The following FAM181A variants were observed in gnomAD, a reference collection of about 807,000 sequenced individuals.
FAM181A encodes the protein protein FAM181A.
FAM181A carries 7 observed loss-of-function variants against 16.3 expected under a neutral mutation model. The ratio of observed to expected loss-of-function variants is 0.43; its 90% CI spans 0.24 to 0.81. The LOEUF (loss-of-function observed/expected upper bound fraction) is 0.81, where lower values mean the gene tolerates loss of function less well. FAM181A is among the 30% of genes least tolerant of loss of function. The pLI is 0.24. For missense variants in FAM181A, 349 were observed against 377.5 expected (o/e 0.92, Z 0.63); for synonymous variants, 183 against 164.9 (o/e 1.11, Z -0.84).
At chr14:93,919,794 A>G (rs1036199685) in intron 1 of FAM181A, among the ~76,000 whole-genome samples, 1 of 152,206 alleles carries the variant, frequency 6.6e-6, no homozygotes, top group Non-Finnish European at 1.5e-5. Flanking sequence ...TGCAAACACA[A>G]CATATCAAAA....
chr14:93,921,753 A>G (rs1219434647), intron 1 of FAM181A, among the ~76,000 whole-genome samples: 1 of 150,766 alleles, frequency 6.6e-6, no homozygotes, highest in African/African-American at 2.4e-5. Context: ...CTGGGCTAGC[A>G]AGGCCCCTGG....
At chr14:93,920,849 C>T (rs1887699058) in intron 1 of FAM181A, among the ~76,000 whole-genome samples, 1 of 152,158 alleles carries the variant, frequency 6.6e-6, no homozygotes, top group South Asian at 2.1e-4. Flanking sequence ...CCTGAGACTC[C>T]ACATGGTGAA....
rs745685141 is a variant in FAM181A, at chr14:93,928,242, GC to G, written c.-42del. 6.2e-7 allele frequency: 1 copy of G among 1,613,718 alleles called. No individual in the cohort carries two copies. The highest frequency in any genetic ancestry group is 8.5e-7 in the Non-Finnish European group (1 of 1,180,022). Reference sequence around the variant, plus strand: ...CTTGGAGCTGCCGGCCACCAGCAGAGCCTACCCTCTTCATGGAAAGCCTCGT... The same window carrying G: ...CTTGGAGCTGCCGGCCACCAGCAGAGCTACCCTCTTCATGGAAAGCCTCGT... On this transcript the variant is annotated 5_prime_UTR_variant, in exon 2 of 2. Transcript: ENST00000556222.
chr14:93,928,658 C>G lies in FAM181A; in HGVS notation c.373C>G (p.Pro125Ala), dbSNP rs972841524. 6.2e-7 allele frequency: 1 copy of G among 1,614,024 alleles called. No homozygotes were observed. Among genetic ancestry groups the G allele is most frequent in the Non-Finnish European group, 8.5e-7 (1 of 1,180,004 alleles). The change falls in exon 2 of 2, where the codon CCT (proline) becomes GCT (alanine). Residue 125 changes from proline to alanine, a missense_variant. Physicochemically the swap from Pro to Ala is conservative, Grantham distance 27. Coordinates refer to ENST00000556222, the MANE Select transcript of FAM181A (RefSeq NM_001207073.2). ...PQRQHPEAAQ[P>A]GQVPMRKRQL... Reference sequence around the variant, plus strand: ...GAGGCAGCATCCAGAAGCTGCCCAGCCTGGCCAGGTGCCCATGAGGAAAAG... The same window carrying G: ...GAGGCAGCATCCAGAAGCTGCCCAGGCTGGCCAGGTGCCCATGAGGAAAAG...
intron 1 of FAM181A, chr14:93,922,023 C>G (rs942255292): frequency 2.0e-5 from 3 of 152,232 alleles, no homozygotes; most frequent in Admixed American, 2.0e-4. Context: ...CACAGGGTGG[C>G]TGGCAGAGCA....
intron 1 of FAM181A, chr14:93,927,690 G>T (rs1178717509): frequency 2.4e-6 from 3 of 1,243,130 alleles, no homozygotes; most frequent in Non-Finnish European, 3.1e-6. Context: ...TGGGGGTGGA[G>T]CGTGGGGACT....
Position 93,928,922 on chromosome 14 carries a change from T to C in FAM181A, c.637T>C (p.Cys213Arg). 6.2e-7 allele frequency: 1 copy of C among 1,614,160 alleles called. No homozygotes were observed. The highest frequency in any genetic ancestry group is 2.2e-5 in the East Asian group (1 of 44,880). ...SLVGRVNAWS[C>R]CPFQYHGQPI... ...GGTGGGCCGCGTCAATGCCTGGAGT[T>C]GCTGCCCCTTCCAGTACCATGGACA... The change falls in exon 2 of 2, where the codon TGC becomes CGC. Residue 213 changes from cysteine (C) to arginine (R), a missense_variant. Coordinates refer to ENST00000556222, the MANE Select transcript of FAM181A (RefSeq NM_001207073.2).
upstream of FAM181A, among the ~76,000 whole-genome samples, chr14:93,924,506 C>G (rs1887831671): frequency 6.6e-6 from 1 of 152,226 alleles, no homozygotes; most frequent in Non-Finnish European, 1.5e-5. Context: ...TATGGCCAAT[C>G]AGAAAACACA....
intron 1 of FAM181A, among the ~76,000 whole-genome samples, chr14:93,921,655 C>T (rs1887728723): frequency 1.3e-5 from 2 of 152,226 alleles, no homozygotes; most frequent in Admixed American, 6.5e-5. Flanking sequence ...CTCTGTCCTC[C>T]GCGTGGCCTT....
chr14:93,922,724 G>A (rs1399468815), upstream of FAM181A, among the ~76,000 whole-genome samples: 1 of 152,108 alleles, frequency 6.6e-6, no homozygotes, highest in Non-Finnish European at 1.5e-5. Context: ...AACTTTTTTA[G>A]AAAGTTGACA....
intron 1 of FAM181A, among the ~76,000 whole-genome samples, chr14:93,921,622 T>A (rs536658168): frequency 2.0e-5 from 3 of 152,218 alleles, no homozygotes; most frequent in Non-Finnish European, 4.4e-5. Context: ...GCGTCGCATG[T>A]CCACAGAGGC....
intron 1 of FAM181A, among the ~76,000 whole-genome samples, chr14:93,921,458 CA>C (rs1340616439): frequency 6.6e-6 from 1 of 152,246 alleles, no homozygotes; most frequent in Non-Finnish European, 1.5e-5. Context: ...CTCGGCCTGC[CA>C]GCCAGAGGGG....
Position 93,929,527 on chromosome 14 carries a change from AGTT to A in FAM181A, c.*370_*372del, listed in dbSNP as rs1179226712. On this transcript the variant is annotated 3_prime_UTR_variant, in exon 2 of 2. Transcript: ENST00000556222. ...GCCACCCACTCTGCGAGCCAATCTC[AGTT>A]GTTGTTCTTGTTCTTCTTGTTCTTT... is the stretch of plus-strand genomic sequence containing the variant. 2 of 290,030 alleles carry A rather than the reference AGTT, an allele frequency of 6.9e-6. No homozygotes were observed. Among genetic ancestry groups the A allele is most frequent in the Admixed American group, 5.0e-5 (1 of 20,102 alleles). The allele number at this position is 290,030 out of a possible 1,614,324, so 18.0% of individuals were successfully genotyped here.
chr14:93,925,483 G>A, upstream of FAM181A: 1 of 953,058 alleles, frequency 1.0e-6, no homozygotes, highest in Non-Finnish European at 1.5e-6. Flanking sequence ...AGGCCCTCAG[G>A]GCGCTCTCTT....
upstream of FAM181A, chr14:93,927,062 C>CACACACACA (rs1415891809): frequency 8.3e-4 from 28 of 33,702 alleles, no homozygotes; most frequent in Non-Finnish European, 1.1e-3. Flanking sequence ...ACACACACAC[C>CACACACACA]CCACCCCCTT....
upstream of FAM181A, among the ~76,000 whole-genome samples, chr14:93,923,096 T>C (rs1887784414): frequency 6.6e-6 from 1 of 152,104 alleles, no homozygotes; most frequent in Admixed American, 6.5e-5. Flanking sequence ...TGCCTCAGCC[T>C]CCCGAGTAGC....
chr14:93,923,998 C>T (rs1887815312), upstream of FAM181A: 1 of 152,202 alleles, frequency 6.6e-6, no homozygotes, highest in Admixed American at 6.5e-5. Flanking sequence ...TTCTGGAGCT[C>T]ACCTGGATGG....
rs1349265283 is a variant in FAM181A at position 93,928,786 on chromosome 14, T to C, written c.501T>C (p.Gly167=). ...CCAGGGAGGGACCTCCCTATGAGGG[T>C]AAGAAAAATTGCAAGGGCTTGGAGC... ...LGPREGPPYE[G]KKNCKGLEPL... is the part of the protein sequence containing the mutation. Residue 167 remains glycine (G), a synonymous_variant, in exon 2 of 2, where the codon GGT becomes GGC. Transcript: ENST00000556222. 6.2e-7 allele frequency: 1 copy of C among 1,613,636 alleles called. No homozygotes were observed. Among genetic ancestry groups the C allele is most frequent in the South Asian group, 1.1e-5 (1 of 91,054 alleles).
chr14:93,929,221 G>A lies in FAM181A; in HGVS notation c.*57G>A, dbSNP rs199593804. 1.8e-5 allele frequency: 27 copies of A among 1,497,018 alleles called. No individual in the cohort carries two copies. The highest frequency in any genetic ancestry group is 1.8e-4 in the Middle Eastern group (1 of 5,560). 92.7% of individuals were successfully genotyped at this position (1,497,018 alleles called of 1,614,324 possible). On this transcript the variant is annotated 3_prime_UTR_variant, in exon 2 of 2. Coordinates refer to ENST00000556222, the MANE Select transcript of FAM181A (RefSeq NM_001207073.2). ...GGCCTGCAGGAGTGTCGAGGTCCCC[G>A]AGGCGCTCTCCTGTGAGGAGGTGGC...
Sources: allele counts gnomAD v4.1 joint callset (sites outside exome capture counted in the v4.1 genomes callset), GRCh38; gene constraint gnomAD v4.1.1; transcripts MANE v1.5; gene names NCBI Gene and HGNC (gene_info 2026-07-23, HGNC 2026-07-21).